The following CREG2 variants were observed in gnomAD, a reference collection of about 807,000 sequenced individuals.
CREG2 encodes the protein cellular repressor of E1A stimulated genes 2, also known as protein CREG2.
CREG2 carries 24 observed loss-of-function variants against 26.2 expected under a neutral mutation model. The ratio of observed to expected loss-of-function variants is 0.92; its 90% confidence interval spans 0.66 to 1.29. The LOEUF (loss-of-function observed/expected upper bound fraction) is 1.29, where lower values mean the gene tolerates loss of function less well. Among genes scored for constraint, CREG2 ranks in the 50% most tolerant of loss-of-function variants. The probability of loss-of-function intolerance (pLI) is 0.00; values close to 1 mark genes in which losing one functional copy is unlikely to be tolerated. For synonymous variants in CREG2, 174 were observed against 169.2 expected, an observed-to-expected ratio of 1.03 and a Z score of -0.22; for missense variants, 366 against 398.6, an observed-to-expected ratio of 0.92 and a Z score of 0.70.
rs5832961 is a variant in CREG2, at chr2:101,363,851, AACACACAC to A, written c.612-8493_612-8486del. ...GGTGACAGAGTGAGACCCTGTCTCA[AACACACAC>A]ACACACACACACACACACACACACA... On this transcript the variant is annotated intron_variant, in intron 2 of 3. Transcript: ENST00000324768. Among the ~76,000 whole-genome samples, 180 of 146,078 alleles carry A rather than the reference AACACACAC, an allele frequency of 1.2e-3. 1 individual carries two copies. The highest frequency in any genetic ancestry group is 3.2e-3 in the African/African-American group (127 of 39,204).
rs1684297364 is a variant in CREG2, at chr2:101,345,864, CTCTA to C, written c.*5055_*5058del. 6.6e-6 allele frequency: 1 copy of C among 151,000 alleles called. No homozygotes were observed. The highest frequency in any genetic ancestry group is 2.4e-5 in the African/African-American group (1 of 40,934). 9.4% of individuals were successfully genotyped at this position (151,000 alleles called of 1,614,324 possible). A position where few individuals can be genotyped will look rare whatever the true frequency, so the allele number is the denominator to read the frequency against. On this transcript the variant is annotated 3_prime_UTR_variant, in exon 4 of 4. Transcript: ENST00000324768. ...TTTTTTTTTAAGAGACAAAGTCTCA[CTCTA>C]TCACTCAAGTGTGGTGGCATGATCA...
chr2:101,353,352 A>G (rs1684410430), intron 3 of CREG2, among the ~76,000 whole-genome samples: 2 of 152,228 alleles, frequency 1.3e-5, no homozygotes, highest in South Asian at 4.1e-4. Flanking sequence ...GCGGCCAACA[A>G]ATATATGAAA....
chr2:101,358,696 C>A (rs1219778116), intron 2 of CREG2, among the ~76,000 whole-genome samples: 1 of 152,200 alleles, frequency 6.6e-6, no homozygotes, highest in Non-Finnish European at 1.5e-5. Context: ...TCAATTCCTG[C>A]CTCCTCAGAA....
chr2:101,376,532 G>C (rs186370138), intron 2 of CREG2, among the ~76,000 whole-genome samples: 4 of 152,098 alleles, frequency 2.6e-5, no homozygotes, highest in Admixed American at 2.0e-4. Flanking sequence ...TGCCTGCCTC[G>C]GCCTCCCAAA....
intron 2 of CREG2, among the ~76,000 whole-genome samples, chr2:101,373,529 C>T (rs1684743717): frequency 1.3e-5 from 2 of 152,162 alleles, no homozygotes; most frequent in African/African-American, 4.8e-5. Context: ...GTCACATCCT[C>T]ATCACTTATT....
chr2:101,384,803 G>A (rs750201565), intron 1 of CREG2, among the ~76,000 whole-genome samples: 2 of 152,210 alleles, frequency 1.3e-5, no homozygotes, highest in Non-Finnish European at 2.9e-5. Context: ...TGAGGCAGCA[G>A]TGAGCTATGA....
In CREG2 at chr2:101,349,814, T is replaced by A. The variant is rs1013208374; in HGVS notation, c.*1109A>T. 3.3e-5 allele frequency: 5 copies of A among 152,154 alleles called. No homozygotes were observed. Among genetic ancestry groups the A allele is most frequent in the Non-Finnish European group, 5.9e-5 (4 of 68,016 alleles). The allele number at this position is 152,154 out of a possible 1,614,324, so 9.4% of individuals were successfully genotyped here. On this transcript the variant is annotated 3_prime_UTR_variant, in exon 4 of 4. Coordinates refer to ENST00000324768, the MANE Select transcript of CREG2 (RefSeq NM_153836.4). ...TCCTTCTTTTTTACAATCACTTTAC[T>A]GATTTTCCTGGTTCAATTTCTACCC...
At chr2:101,383,423 G>A (rs1159129376) in intron 2 of CREG2, 110 bp downstream of exon 2, 6 of 943,694 alleles carry the variant, frequency 6.4e-6, no homozygotes, top group Non-Finnish European at 9.7e-6. Context: ...GAACATCAAT[G>A]TGCATCTCAG....
chr2:101,384,276 C>T (rs1201779288), intron 1 of CREG2, among the ~76,000 whole-genome samples: 2 of 152,134 alleles, frequency 1.3e-5, no homozygotes, highest in Admixed American at 6.5e-5. Flanking sequence ...TTTCATTGTA[C>T]GACTCAGCAA....
At chr2:101,371,988 G>A (rs1021031029) in intron 2 of CREG2, among the ~76,000 whole-genome samples, 53 of 151,322 alleles carry the variant, frequency 3.5e-4, no homozygotes, top group Non-Finnish European at 6.8e-4. Context: ...GGAACACCAA[G>A]GAGGAGCTTA....
chr2:101,363,841 C>G (rs1417292163), intron 2 of CREG2, among the ~76,000 whole-genome samples: 2 of 139,556 alleles, frequency 1.4e-5, no homozygotes, highest in African/African-American at 2.6e-5. Flanking sequence ...CAGAGTGAGA[C>G]CCTGTCTCAA....
At chr2:101,363,851 A>AACACACACACACACAC (rs5832961) in intron 2 of CREG2, among the ~76,000 whole-genome samples, 33 of 146,076 alleles carry the variant, frequency 2.3e-4, no homozygotes, top group African/African-American at 8.2e-4. Context: ...CCCTGTCTCA[A>AACACACACACACACAC]ACACACACAC....
intron 2 of CREG2, among the ~76,000 whole-genome samples, chr2:101,374,263 G>A (rs115472380): frequency 0.015 from 2,330 of 152,318 alleles, 51 homozygotes; most frequent in African/African-American, 0.053. Flanking sequence ...CTGTAGTCCC[G>A]TCCAACGGGA....
Position 101,351,016 on chromosome 2 carries a change from C to A in CREG2, c.780G>T (p.Met260Ile). The change falls in exon 4 of 4, where the codon ATG becomes ATT. Residue 260 changes from methionine to isoleucine, a missense_variant. Physicochemically the swap from Met to Ile is conservative, Grantham distance 10. Transcript: ENST00000324768. ...PRQYEWFFMKMRIEHIWLQKW... is the reference protein window; with the variant it reads ...PRQYEWFFMKIRIEHIWLQKW... The stretch of plus-strand genomic sequence containing the variant: ...TCTGAAGCCAGATATGTTCTATCCT[C>A]ATCTTCATAAAGAACCATTCATATT... 1 of 1,614,206 alleles carries A rather than the reference C, an allele frequency of 6.2e-7. No homozygotes were observed. The highest frequency in any genetic ancestry group is 8.5e-7 in the Non-Finnish European group (1 of 1,180,006).
At position 101,350,961 on chromosome 2, in the gene CREG2, T is replaced by A. The variant is rs1182918027; in HGVS notation, c.835A>T (p.Arg279Trp). 1 of 1,614,080 alleles carries A rather than the reference T, an allele frequency of 6.2e-7. No individual in the cohort carries two copies. Among genetic ancestry groups the A allele is most frequent in the East Asian group, 2.2e-5 (1 of 44,894 alleles). Residue 279 changes from arginine to tryptophan, a missense_variant, in exon 4 of 4, where the codon AGG becomes TGG. Physicochemically the swap from Arg to Trp is moderately radical, Grantham distance 101. Transcript: ENST00000324768. The part of the protein sequence containing the change: ...KWYGGASSIS[R>W]EEYFKAVPRK... The stretch of plus-strand genomic sequence containing the variant: ...GGAACTGCTTTGAAATATTCCTCCC[T>A]TGAAATACTGGATGCGCCTCCATAC...
intron 2 of CREG2, among the ~76,000 whole-genome samples, chr2:101,374,659 A>T (rs1231738308): frequency 1.3e-5 from 2 of 152,228 alleles, no homozygotes; most frequent in East Asian, 3.9e-4. Flanking sequence ...TGCTGCAAGC[A>T]GGTGCTCACT....
chr2:101,380,953 A>G (rs1558821494), intron 2 of CREG2, among the ~76,000 whole-genome samples: 1 of 151,904 alleles, frequency 6.6e-6, no homozygotes, highest in Non-Finnish European at 1.5e-5. Flanking sequence ...AAAAAAAAAA[A>G]TGCTGTTGCA....
intron 2 of CREG2, among the ~76,000 whole-genome samples, chr2:101,381,223 C>T (rs1273030386): frequency 2.6e-5 from 4 of 152,296 alleles, no homozygotes; most frequent in Middle Eastern, 3.4e-3. Flanking sequence ...GGCTGTCCTT[C>T]GAAGCTCTAC....
chr2:101,352,182 A>T (rs1684394922), intron 3 of CREG2, among the ~76,000 whole-genome samples: 1 of 152,178 alleles, frequency 6.6e-6, no homozygotes. Context: ...ACACTCAGTC[A>T]ATCATCTTTT....
Sources: allele counts gnomAD v4.1 joint callset (sites outside exome capture counted in the v4.1 genomes callset), GRCh38; gene constraint gnomAD v4.1.1; transcripts MANE v1.5; gene names NCBI Gene and HGNC (gene_info 2026-07-23, HGNC 2026-07-21).